Variants in ELAVL2 observed in about 807,000 individuals in gnomAD.
The protein encoded by ELAVL2 is ELAV like RNA binding protein 2, also known as ELAV-like protein 2.
Under a neutral mutation model 34.6 loss-of-function variants are expected in ELAVL2, and 4 were observed. That is an observed-to-expected ratio of 0.12 (90% CI 0.06 to 0.26). The LOEUF (loss-of-function observed/expected upper bound fraction) is 0.26, where lower values mean the gene tolerates loss of function less well. Ranked by LOEUF, ELAVL2 falls within the 10% of genes least tolerant of loss-of-function variation. The probability of loss-of-function intolerance (pLI) is 1.00; values close to 1 mark genes in which losing one functional copy is unlikely to be tolerated. For synonymous variants in ELAVL2, 193 were observed against 154.8 expected, an observed-to-expected ratio of 1.25 and a Z score of -1.83; for missense variants, 432 against 442.8, an observed-to-expected ratio of 0.98 and a Z score of 0.22.
At chr9:23,694,542 C>A (rs2034414597) in intron 5 of ELAVL2, among the ~76,000 whole-genome samples, 1 of 151,494 alleles carries the variant, frequency 6.6e-6, no homozygotes, top group African/African-American at 2.4e-5. Flanking sequence ...CCCTCTGGGA[C>A]TGGGGGTGGG....
chr9:23,760,611 T>G (rs1046569016), intron 2 of ELAVL2, among the ~76,000 whole-genome samples: 5 of 152,092 alleles, frequency 3.3e-5, no homozygotes, highest in African/African-American at 1.2e-4. Context: ...ATTTCACATA[T>G]GCTTATCACA....
At chr9:23,833,171 T>G in the ELAVL2 span, among the ~76,000 whole-genome samples, 78 of 151,990 alleles carry the variant, frequency 5.1e-4, 2 homozygotes, top group African/African-American at 1.9e-3. Context: ...TTCCATACCA[T>G]TATTTTCCAT....
intron 2 of ELAVL2, among the ~76,000 whole-genome samples, chr9:23,741,440 G>T (rs1040365556): frequency 4.6e-5 from 7 of 152,150 alleles, no homozygotes; most frequent in African/African-American, 1.7e-4. Context: ...AGATGCAGAT[G>T]TAAGACTGTA....
intron 1 of ELAVL2, among the ~76,000 whole-genome samples, chr9:23,781,184 T>G (rs1395827072): frequency 6.6e-6 from 1 of 152,144 alleles, no homozygotes; most frequent in Non-Finnish European, 1.5e-5. Flanking sequence ...TATAAAAAAT[T>G]TCAGGCACTA....
rs536440008 is a variant in ELAVL2, at chr9:23,757,759, A to C, written c.229+4247T>G. Reference sequence around the variant, plus strand: ...AAGAGACGGACCTGACAAATAACATAATAAATAGAACTTAGTCTAGAGAGA... The same window carrying C: ...AAGAGACGGACCTGACAAATAACATCATAAATAGAACTTAGTCTAGAGAGA... On this transcript the variant is annotated intron_variant, in intron 2 of 6. Transcript: ENST00000397312. Among the ~76,000 whole-genome samples, 392 of 152,204 alleles carry C rather than the reference A, an allele frequency of 2.6e-3. 1 individual carries two copies. Among genetic ancestry groups the C allele is most frequent in the African/African-American group, 8.1e-3 (338 of 41,544 alleles).
intron 1 of ELAVL2, among the ~76,000 whole-genome samples, chr9:23,783,032 C>T (rs1245925268): frequency 6.6e-6 from 1 of 152,204 alleles, no homozygotes; most frequent in African/African-American, 2.4e-5. Flanking sequence ...AAGATACTAA[C>T]TGGTAACTAT....
the ELAVL2 span, among the ~76,000 whole-genome samples, chr9:23,848,639 G>A: frequency 3.9e-5 from 6 of 152,110 alleles, no homozygotes; most frequent in African/African-American, 1.4e-4. Flanking sequence ...AATACATTAA[G>A]CTTTATTGCA....
chr9:23,800,558 C>G (rs1588634533), intron 1 of ELAVL2, among the ~76,000 whole-genome samples: 1 of 152,172 alleles, frequency 6.6e-6, no homozygotes, highest in South Asian at 2.1e-4. Context: ...CTTAAGATAT[C>G]AGATGGAAAT....
At chr9:23,808,521 A>C (rs1332409688) in intron 1 of ELAVL2, among the ~76,000 whole-genome samples, 1 of 152,200 alleles carries the variant, frequency 6.6e-6, no homozygotes, top group Admixed American at 6.5e-5. Context: ...TGGATCAGCA[A>C]ATCAAAAACT....
chr9:23,726,448 T>C (rs1374270411), intron 3 of ELAVL2, among the ~76,000 whole-genome samples: 4 of 152,160 alleles, frequency 2.6e-5, no homozygotes, highest in African/African-American at 9.7e-5. Flanking sequence ...TAGTTAATTC[T>C]AGACAGAATT....
chr9:23,821,502 G>C (rs994878438), intron 1 of ELAVL2: 54 of 152,322 alleles, frequency 3.5e-4, no homozygotes, highest in African/African-American at 1.3e-3. Flanking sequence ...CCCCTACCCT[G>C]CTAGACGCAG....
At chr9:23,803,027 T>C (rs1345862293) in intron 1 of ELAVL2, among the ~76,000 whole-genome samples, 3 of 152,154 alleles carry the variant, frequency 2.0e-5, no homozygotes, top group African/African-American at 2.4e-5. Flanking sequence ...ATCAAGAACT[T>C]TGAGAATTAC....
chr9:23,797,712 G>A (rs937203502), intron 1 of ELAVL2, among the ~76,000 whole-genome samples: 3 of 152,196 alleles, frequency 2.0e-5, no homozygotes, highest in African/African-American at 7.2e-5. Flanking sequence ...TGGATCATCT[G>A]AGGTCTGGAG....
chr9:23,717,006 T>C (rs1237841799), intron 3 of ELAVL2, among the ~76,000 whole-genome samples: 2 of 152,290 alleles, frequency 1.3e-5, no homozygotes, highest in African/African-American at 4.8e-5. Context: ...GACAGAAATG[T>C]ATGGAAGGAG....
At chr9:23,723,074 AT>A in intron 3 of ELAVL2, among the ~76,000 whole-genome samples, 1 of 152,236 alleles carries the variant, frequency 6.6e-6, no homozygotes, top group Middle Eastern at 3.4e-3. Context: ...GGTAGAAAAG[AT>A]TTTTGTTTTC....
At chr9:23,711,507 G>A (rs1309140703) in intron 3 of ELAVL2, among the ~76,000 whole-genome samples, 1 of 152,052 alleles carries the variant, frequency 6.6e-6, no homozygotes, top group African/African-American at 2.4e-5. Flanking sequence ...CAAAACCTTC[G>A]GTAGTATTCC....
intron 1 of ELAVL2, among the ~76,000 whole-genome samples, chr9:23,787,784 C>T (rs1322638303): frequency 6.6e-6 from 1 of 152,120 alleles, no homozygotes; most frequent in Non-Finnish European, 1.5e-5. Flanking sequence ...AATCTGCAAG[C>T]AAGGATGAGA....
At chr9:23,802,826 T>C (rs141008359) in intron 1 of ELAVL2, among the ~76,000 whole-genome samples, 31 of 152,318 alleles carry the variant, frequency 2.0e-4, no homozygotes, top group African/African-American at 6.7e-4. Context: ...TGTAAAACTA[T>C]GCCAGCCTTA....
At chr9:23,793,214 C>T (rs916964793) in intron 1 of ELAVL2, among the ~76,000 whole-genome samples, 12 of 152,156 alleles carry the variant, frequency 7.9e-5, no homozygotes, top group African/African-American at 2.9e-4. Context: ...ATGGCAAAAC[C>T]TTCTACCCTC....
Sources: gnomAD v4.1 joint callset for allele counts (sites outside exome capture counted in the v4.1 genomes callset) on GRCh38, gnomAD v4.1.1 for gene constraint, MANE v1.5 for transcripts, NCBI Gene and HGNC (gene_info 2026-07-23, HGNC 2026-07-21) for gene names.